The following THBS4 variants were observed in gnomAD, a reference collection of about 807,000 sequenced individuals.
THBS4 encodes thrombospondin-4.
THBS4 carries 90 observed loss-of-function variants against 115.7 expected under a neutral mutation model. That is an observed-to-expected ratio of 0.78 (90% CI 0.66 to 0.93). THBS4 has a LOEUF of 0.93. THBS4 is among the 40% of genes least tolerant of loss of function. The probability of loss-of-function intolerance (pLI) is 0.00; values close to 1 mark genes in which losing one functional copy is unlikely to be tolerated. For missense variants in THBS4, 1,087 were observed against 1,232.7 expected, an observed-to-expected ratio of 0.88 and a Z score of 1.77; for synonymous variants, 460 against 479.3, an observed-to-expected ratio of 0.96 and a Z score of 0.53.
intron 1 of THBS4, among the ~76,000 whole-genome samples, chr5:80,037,718 A>G (rs780838586): frequency 1.3e-5 from 2 of 152,220 alleles, no homozygotes; most frequent in African/African-American, 4.8e-5. Flanking sequence ...TTTGTTTTGA[A>G]TGTAGTTCCC....
At chr5:80,072,451 C>A in intron 14 of THBS4, 55 bp downstream of exon 14, 1 of 1,499,166 alleles carries the variant, frequency 6.7e-7, no homozygotes, top group Non-Finnish European at 9.3e-7. Flanking sequence ...TATGCAAAGA[C>A]TCATTTAAGA....
chr5:80,048,618 C>T (rs972412701), intron 2 of THBS4, among the ~76,000 whole-genome samples: 1 of 139,168 alleles, frequency 7.2e-6, no homozygotes, highest in Non-Finnish European at 1.6e-5. Context: ...GCTGTGTTTC[C>T]TTTCACTAGA....
chr5:80,063,769 C>T lies in THBS4; in HGVS notation c.1126-1640C>T, dbSNP rs1833718487. ...TAAGGAGCACTTCTCAATAGATTTC[C>T]AGTAACAAGGCAGACAGAACTGAAG... On this transcript the variant is annotated intron_variant, in intron 8 of 21. Coordinates refer to ENST00000350881, the MANE Select transcript of THBS4 (RefSeq NM_003248.6). Among the ~76,000 whole-genome samples, 5 of 152,186 alleles carry T rather than the reference C, an allele frequency of 3.3e-5. No individual in the cohort carries two copies. In the South Asian group the frequency reaches 1.0e-3, roughly 31 times the overall value.
At chr5:80,068,577 T>C (rs2241824) in intron 10 of THBS4, 4,396 of 171,176 alleles carry the variant, frequency 0.026, 109 homozygotes, top group East Asian at 0.11. Flanking sequence ...TTGACGCTCC[T>C]GTTGGGGGTG....
intron 2 of THBS4, among the ~76,000 whole-genome samples, chr5:80,017,140 A>G (rs1400735977): frequency 1.3e-5 from 2 of 152,230 alleles, no homozygotes; most frequent in Non-Finnish European, 2.9e-5. Flanking sequence ...ATAATTATTA[A>G]AATGGAGGCC....
At chr5:79,992,008 G>T (rs533842848) in intron 1 of THBS4, among the ~76,000 whole-genome samples, 3 of 152,154 alleles carry the variant, frequency 2.0e-5, no homozygotes, top group African/African-American at 4.8e-5. Context: ...GCTTAAAAAG[G>T]CTCCTCATTT....
chr5:80,058,902 C>A (rs560360760), intron 5 of THBS4, 112 bp downstream of exon 5: 391 of 1,056,624 alleles, frequency 3.7e-4, no homozygotes, highest in Non-Finnish European at 1.4e-4. Context: ...TGAGCCAGAT[C>A]TCCGGGGGCC....
At chr5:79,995,702 C>T (rs1269784590) in intron 1 of THBS4, among the ~76,000 whole-genome samples, 1 of 152,062 alleles carries the variant, frequency 6.6e-6, no homozygotes, top group Non-Finnish European at 1.5e-5. Context: ...GAGAGACATG[C>T]TCTCTTTCTG....
intron 1 of THBS4, among the ~76,000 whole-genome samples, chr5:79,997,434 A>G (rs558801986): frequency 6.6e-6 from 1 of 152,140 alleles, no homozygotes; most frequent in African/African-American, 2.4e-5. Context: ...ATAATGATAA[A>G]TGGATCAGTC....
rs373401060 is a variant in THBS4, at chr5:80,065,504, T to G, written c.1194+27T>G. 3 of 1,605,132 alleles carry G rather than the reference T, an allele frequency of 1.9e-6. No individual in the cohort carries two copies. In the African/African-American group the frequency reaches 4.0e-5, roughly 21 times the overall value. ...TAAGTATTTCTCACAGCTGTTGTTA[T>G]CAAAGCAGAACCGGTTATTAAAACA... On this transcript the variant is annotated intron_variant, in intron 9 of 21. Coordinates refer to ENST00000350881, the MANE Select transcript of THBS4 (RefSeq NM_003248.6).
intron 2 of THBS4, among the ~76,000 whole-genome samples, chr5:80,049,342 C>A (rs1833177929): frequency 6.6e-6 from 1 of 152,166 alleles, no homozygotes; most frequent in Non-Finnish European, 1.5e-5. Context: ...AAATGTAGCT[C>A]TTGGACAGTG....
chr5:80,066,044 G>A (rs1029378907), intron 9 of THBS4, among the ~76,000 whole-genome samples: 1 of 145,052 alleles, frequency 6.9e-6, no homozygotes, highest in Non-Finnish European at 1.5e-5. Context: ...GCAGTGAGCC[G>A]AGATCGCACC....
At chr5:80,061,923 A>C in intron 8 of THBS4, 91 bp downstream of exon 8, 2 of 1,369,974 alleles carry the variant, frequency 1.5e-6, no homozygotes, top group Non-Finnish European at 1.9e-6. Flanking sequence ...CTTTACCTCC[A>C]TGAGCAGTCA....
In THBS4 at chr5:80,040,057, T is replaced by A. The variant is rs774045443; in HGVS notation, c.89-20T>A. On this transcript the variant is annotated intron_variant, in intron 1 of 21. Transcript: ENST00000350881. ...AAATTGAATCTTTCACTTATACCCCTTCTTCTCCCTTCTTCCCAGTCTTTG... is the reference window on the plus strand; with the variant it reads ...AAATTGAATCTTTCACTTATACCCCATCTTCTCCCTTCTTCCCAGTCTTTG... 6.2e-7 allele frequency: 1 copy of A among 1,611,686 alleles called. No individual in the cohort carries two copies. The highest frequency in any genetic ancestry group is 8.5e-7 in the Non-Finnish European group (1 of 1,177,980).
rs750852205 is a variant in THBS4, at chr5:80,059,744, C to A, written c.826C>A (p.Pro276Thr). The stretch of plus-strand genomic sequence containing the variant: ...GTCTCCGACCCCAAGCACGGTGGTG[C>A]CCCCGGCTCCCCCTGCACCGCCAAC... Reference protein sequence around the residue: ...FQSPTPSTVVPPAPPAPPTRP... With the variant: ...FQSPTPSTVVTPAPPAPPTRP... The change falls in exon 7 of 22, where the codon CCC becomes ACC. Residue 276 changes from proline (P) to threonine (T), a missense_variant. Physicochemically the swap from Pro to Thr is conservative, Grantham distance 38 (BLOSUM62 -1). Coordinates refer to ENST00000350881, the MANE Select transcript of THBS4 (RefSeq NM_003248.6). The A allele has an allele frequency of 2.5e-5, 40 of 1,614,036 alleles. No homozygotes were observed. Among genetic ancestry groups the A allele is most frequent in the Non-Finnish European group, 3.0e-5 (35 of 1,179,964 alleles).
intron 8 of THBS4, 32 bp from the exon 9 acceptor site, chr5:80,065,377 C>T (rs1833777358): frequency 6.3e-6 from 10 of 1,589,336 alleles, no homozygotes; most frequent in South Asian, 1.1e-5. Flanking sequence ...CAGCATGTCT[C>T]GCTAAACTTT....
At chr5:80,019,041 GT>G (rs537532061) in intron 2 of THBS4, among the ~76,000 whole-genome samples, 121 of 134,942 alleles carry the variant, frequency 9.0e-4, no homozygotes, top group Non-Finnish European at 1.1e-3. Flanking sequence ...CTCTGTGATT[GT>G]TTTTTTTTTT....
Position 80,059,881 on chromosome 5 carries a change from G to T in THBS4, c.963G>T (p.Gly321=). The part of the protein sequence containing the change: ...GPCPEGYTGN[G]ITCIDVDECK... Reference sequence around the variant, plus strand: ...GCCCCGAGGGCTACACAGGAAACGGGATCACCTGTATTGATGTTGATGAGG... The same window carrying T: ...GCCCCGAGGGCTACACAGGAAACGGTATCACCTGTATTGATGTTGATGAGG... The change falls in exon 7 of 22, where the codon GGG becomes GGT. Residue 321 remains glycine, a synonymous_variant. Transcript: ENST00000350881. The T allele has an allele frequency of 1.9e-6, 3 of 1,614,082 alleles. No homozygotes were observed. Among genetic ancestry groups the T allele is most frequent in the Non-Finnish European group, 2.5e-6 (3 of 1,180,022 alleles).
chr5:80,064,059 G>A (rs1300602264), intron 8 of THBS4, among the ~76,000 whole-genome samples: 1 of 152,158 alleles, frequency 6.6e-6, no homozygotes, highest in Non-Finnish European at 1.5e-5. Flanking sequence ...CCCTGCATAA[G>A]TCCAGGACCC....
Sources: allele counts gnomAD v4.1 joint callset (sites outside exome capture counted in the v4.1 genomes callset), GRCh38; gene constraint gnomAD v4.1.1; transcripts MANE v1.5; gene names NCBI Gene and HGNC (gene_info 2026-07-23, HGNC 2026-07-21).